ACOXL: variants seen among roughly 807,000 people sequenced by gnomAD.
The protein encoded by ACOXL is acyl-coenzyme A oxidase-like protein.
ACOXL carries 70 observed loss-of-function variants against 71.9 expected under a neutral mutation model. The observed-to-expected ratio is 0.97, with a 90% confidence interval of 0.80 to 1.19. The LOEUF (loss-of-function observed/expected upper bound fraction) is 1.19, where lower values mean the gene tolerates loss of function less well. Ranked by LOEUF, ACOXL falls within the 50% of genes most tolerant of loss-of-function variation. The pLI, the probability that ACOXL is intolerant of heterozygous loss-of-function variation, is 0.00. For missense variants in ACOXL, 703 were observed against 736.3 expected, an observed-to-expected ratio of 0.95 and a Z score of 0.52; for synonymous variants, 253 against 281.6, an observed-to-expected ratio of 0.90 and a Z score of 1.02.
chr2:110,782,247 C>G (rs201200265), intron 2 of ACOXL, among the ~76,000 whole-genome samples: 5 of 152,094 alleles, frequency 3.3e-5, no homozygotes, highest in African/African-American at 1.2e-4. Flanking sequence ...ATTGATTGAT[C>G]ATTATCATCG....
intron 10 of ACOXL, among the ~76,000 whole-genome samples, chr2:110,898,243 G>A (rs188841283): frequency 6.6e-6 from 1 of 151,948 alleles, no homozygotes; most frequent in African/African-American, 2.4e-5. Flanking sequence ...CATTTTTTTT[G>A]AAAGTTAGCC....
intron 16 of ACOXL, among the ~76,000 whole-genome samples, chr2:111,084,008 T>G (rs1016464711): frequency 1.3e-5 from 2 of 151,950 alleles, no homozygotes; most frequent in African/African-American, 4.8e-5. Context: ...AGAAATGTCA[T>G]TCTGACAATA....
At position 110,825,343 on chromosome 2, in the gene ACOXL, G is replaced by A. The variant is rs576699606; in HGVS notation, c.754-16028G>A. Among the ~76,000 whole-genome samples, 14 of 152,110 alleles carry A rather than the reference G, an allele frequency of 9.2e-5. No homozygotes were observed. In the South Asian group the frequency reaches 1.5e-3, roughly 16 times the overall value. On this transcript the variant is annotated intron_variant, in intron 9 of 17. Coordinates refer to ENST00000439055, the MANE Select transcript of ACOXL (RefSeq NM_001142807.4). ...ATCAGGAAATAACAATTAAAAAACC[G>A]GAAAGCTACCCTGTGCCACTCTCTA...
At chr2:110,787,244 C>G (rs1684074618) in intron 3 of ACOXL, among the ~76,000 whole-genome samples, 1 of 152,126 alleles carries the variant, frequency 6.6e-6, no homozygotes, top group African/African-American at 2.4e-5. Flanking sequence ...CTTTGAAATA[C>G]TTCTCTGAGG....
At position 110,985,287 on chromosome 2, in the gene ACOXL, T is replaced by C. The variant is rs538534907; in HGVS notation, c.1060-1821T>C. Among the ~76,000 whole-genome samples, 13 of 152,310 alleles carry C rather than the reference T, an allele frequency of 8.5e-5. No homozygotes were observed. The East Asian group carries it at 1.7e-3, about 20-fold the overall frequency. ...GTAGCAGCAGCCATAAAAATGTACA[T>C]GTTCTTTGACCCATAATGCAGTGAT... On this transcript the variant is annotated intron_variant, in intron 12 of 17. Transcript: ENST00000439055.
At chr2:110,880,842 A>C (rs1021209989) in intron 10 of ACOXL, among the ~76,000 whole-genome samples, 2 of 152,164 alleles carry the variant, frequency 1.3e-5, no homozygotes, top group Non-Finnish European at 2.9e-5. Flanking sequence ...AGACTCCATC[A>C]ATGAAACTCC....
chr2:110,887,831 G>A (rs1245336873), intron 10 of ACOXL: 1 of 152,048 alleles, frequency 6.6e-6, no homozygotes, highest in African/African-American at 2.4e-5. Flanking sequence ...TTATCTTTTT[G>A]GATAATATCC....
intron 2 of ACOXL, among the ~76,000 whole-genome samples, chr2:110,782,217 A>G (rs911289471): frequency 7.2e-5 from 11 of 152,342 alleles, no homozygotes; most frequent in Middle Eastern, 3.4e-3. Context: ...TACTGCTGCA[A>G]TGTAGAAGAG....
rs1682705954 is a variant in ACOXL, at chr2:110,776,793, C to T, written c.76-7939C>T. Reference sequence around the variant, plus strand: ...GAGGACTTGGAGGGACTGAGTGGAGCAGGACCTGTCTGACTGGGTCTCCGG... The same window carrying T: ...GAGGACTTGGAGGGACTGAGTGGAGTAGGACCTGTCTGACTGGGTCTCCGG... On this transcript the variant is annotated intron_variant, in intron 2 of 17. Transcript: ENST00000439055. 3.9e-5 allele frequency among the ~76,000 whole-genome samples: 6 copies of T among 152,066 alleles called. No individual in the cohort carries two copies. The South Asian group carries it at 1.2e-3, about 32-fold the overall frequency.
At chr2:111,045,696 A>G (rs1422216983) in intron 15 of ACOXL, among the ~76,000 whole-genome samples, 1 of 152,128 alleles carries the variant, frequency 6.6e-6, no homozygotes, top group Non-Finnish European at 1.5e-5. Context: ...GAGGGGAGAG[A>G]GAAACCTGCA....
At chr2:110,991,414 T>C (rs1047657618) in intron 13 of ACOXL, among the ~76,000 whole-genome samples, 12 of 152,216 alleles carry the variant, frequency 7.9e-5, no homozygotes, top group Admixed American at 2.0e-4. Flanking sequence ...ATTTCATTGA[T>C]TTATGCTCAT....
chr2:111,093,042 C>T (rs2068618300), intron 17 of ACOXL, 76 bp downstream of exon 17: 3 of 1,194,400 alleles, frequency 2.5e-6, no homozygotes, highest in Non-Finnish European at 3.6e-6. Context: ...AACAGTCCTG[C>T]CAATCTTCTA....
intron 11 of ACOXL, 142 bp from the exon 12 acceptor site, chr2:110,933,347 G>T: frequency 2.0e-6 from 2 of 1,015,604 alleles, no homozygotes; most frequent in Non-Finnish European, 1.4e-6. Context: ...ATTTTTTAGT[G>T]ACTATCTACA....
At chr2:111,060,497 G>T (rs1228058444) in intron 16 of ACOXL, among the ~76,000 whole-genome samples, 2 of 152,184 alleles carry the variant, frequency 1.3e-5, no homozygotes, top group African/African-American at 4.8e-5. Flanking sequence ...AGAGGTTGCA[G>T]TGTATCACCC....
chr2:110,762,081 A>G (rs1035048361), intron 1 of ACOXL, among the ~76,000 whole-genome samples: 23 of 152,176 alleles, frequency 1.5e-4, no homozygotes, highest in African/African-American at 5.5e-4. Context: ...ATCCTTTTAT[A>G]ATTATAATAT....
intron 10 of ACOXL, among the ~76,000 whole-genome samples, chr2:110,855,757 G>C (rs550112328): frequency 4.6e-5 from 7 of 152,260 alleles, no homozygotes; most frequent in African/African-American, 1.7e-4. Flanking sequence ...GTGGGTTTGT[G>C]GTCTCTCTGA....
intron 16 of ACOXL, among the ~76,000 whole-genome samples, chr2:111,052,232 G>A (rs541356009): frequency 6.6e-6 from 1 of 152,274 alleles, no homozygotes; most frequent in East Asian, 1.9e-4. Context: ...CCAGAAAGCT[G>A]GGCTTCTTCC....
At chr2:111,116,788 ATTAG>A (rs1344671155) in intron 17 of ACOXL, among the ~76,000 whole-genome samples, 1 of 150,950 alleles carries the variant, frequency 6.6e-6, no homozygotes, top group African/African-American at 2.5e-5. Context: ...AAACAATCTT[ATTAG>A]TTTGGTAGCT....
At chr2:110,918,919 A>T (rs1002452829) in intron 11 of ACOXL, among the ~76,000 whole-genome samples, 1 of 152,178 alleles carries the variant, frequency 6.6e-6, no homozygotes, top group Non-Finnish European at 1.5e-5. Context: ...GGTGGAGAGG[A>T]TGTGGAGAAA....
Sources: allele counts gnomAD v4.1 joint callset (sites outside exome capture counted in the v4.1 genomes callset), GRCh38; gene constraint gnomAD v4.1.1; transcripts MANE v1.5; gene names NCBI Gene and HGNC (gene_info 2026-07-23, HGNC 2026-07-21).